TBCA: variants seen among roughly 807,000 people sequenced by gnomAD.
TBCA encodes tubulin folding cofactor A.
In TBCA, 6 loss-of-function variants were observed where a neutral mutation model predicts 15.8. The ratio of observed to expected loss-of-function variants is 0.38; its 90% CI spans 0.21 to 0.75. The LOEUF is 0.75. Among genes scored for constraint, TBCA ranks in the 30% least tolerant of loss-of-function variants. The pLI is 0.46. For missense variants in TBCA, 90 were observed against 131.2 expected (o/e 0.69, Z 1.53); for synonymous variants, 32 against 42.3 (o/e 0.76, Z 0.94).
At chr5:77,717,222 T>C (rs2662381) in intron 1 of TBCA, among the ~76,000 whole-genome samples, 1 of 152,004 alleles carries the variant, frequency 6.6e-6, no homozygotes, top group Non-Finnish European at 1.5e-5. Context: ...AATATCCTTA[T>C]AGTTAAGCCA....
intron 1 of TBCA, among the ~76,000 whole-genome samples, chr5:77,751,256 G>A (rs757780747): frequency 1.4e-5 from 2 of 146,958 alleles, no homozygotes; most frequent in Non-Finnish European, 3.0e-5. Context: ...CCGCCTCCCA[G>A]GTTCAAGTGA....
intron 3 of TBCA, chr5:77,692,140 A>G (rs1381285821): frequency 1.0e-6 from 1 of 984,296 alleles, no homozygotes; most frequent in Non-Finnish European, 1.2e-6. Flanking sequence ...TATTATCTAA[A>G]GTACACAGGA....
rs561462103 is a variant in TBCA, at chr5:77,767,265, T to C, written c.53+8940A>G. ...TGCCTACTTGCTCCAACATACTATA[T>C]AGACAAACAAACCGAGTTAGAATAC... On this transcript the variant is annotated intron_variant, in intron 1 of 3. Transcript: ENST00000380377. 1.2e-3 allele frequency among the ~76,000 whole-genome samples: 183 copies of C among 152,222 alleles called. 1 individual carries two copies. Among genetic ancestry groups the C allele is most frequent in the African/African-American group, 4.3e-3 (178 of 41,550 alleles).
At chr5:77,701,568 G>A (rs758032677) in intron 2 of TBCA, among the ~76,000 whole-genome samples, 2 of 151,076 alleles carry the variant, frequency 1.3e-5, no homozygotes, top group Admixed American at 6.6e-5. Flanking sequence ...AGGAAAAGAC[G>A]TCATTATATG....
chr5:77,772,830 C>A (rs961506339), intron 1 of TBCA, among the ~76,000 whole-genome samples: 1 of 152,140 alleles, frequency 6.6e-6, no homozygotes, highest in East Asian at 1.9e-4. Flanking sequence ...AAGCAGTTTA[C>A]ATAAGCATTG....
chr5:77,730,658 C>A (rs1234340750), intron 1 of TBCA, among the ~76,000 whole-genome samples: 1 of 151,582 alleles, frequency 6.6e-6, no homozygotes, highest in East Asian at 1.9e-4. Context: ...GAACATAAAT[C>A]TTCCAGTTTC....
intron 1 of TBCA, among the ~76,000 whole-genome samples, chr5:77,709,419 T>C (rs1392348319): frequency 6.6e-6 from 1 of 152,176 alleles, no homozygotes; most frequent in Admixed American, 6.5e-5. Flanking sequence ...AGTTGTAATA[T>C]AAAAGTATAG....
At chr5:77,730,539 A>ATTTGGTTATGG (rs1746743671) in intron 1 of TBCA, among the ~76,000 whole-genome samples, 8 of 74,618 alleles carry the variant, frequency 1.1e-4, no homozygotes, top group South Asian at 3.5e-4. Flanking sequence ...AGTAATTGAA[A>ATTTGGTTATGG]CAGATGCTAA....
At chr5:77,716,500 G>C (rs1746401726) in intron 1 of TBCA, among the ~76,000 whole-genome samples, 1 of 152,088 alleles carries the variant, frequency 6.6e-6, no homozygotes, top group South Asian at 2.1e-4. Flanking sequence ...ACAACAAACT[G>C]ACCACTTACT....
rs1169530788 is a variant in TBCA at position 77,691,360 on chromosome 5, T to C, written c.*58A>G. On this transcript the variant is annotated 3_prime_UTR_variant, in exon 4 of 4. Transcript: ENST00000380377. ...AACACATAGCAGTGGTCAAAAATAA[T>C]GGATTGTAAAATGGACCCCAGGATT... The C allele has an allele frequency of 7.0e-7, 1 of 1,419,612 alleles. No individual in the cohort carries two copies. The highest frequency in any genetic ancestry group is 2.0e-5 in the Admixed American group (1 of 50,600). 87.9% of individuals were successfully genotyped at this position (1,419,612 alleles called of 1,614,324 possible). A position where few individuals can be genotyped will look rare whatever the true frequency, so the allele number is the denominator to read the frequency against.
At chr5:77,728,985 G>A (rs536053697) in intron 1 of TBCA, among the ~76,000 whole-genome samples, 7 of 152,068 alleles carry the variant, frequency 4.6e-5, no homozygotes, top group South Asian at 2.1e-4. Context: ...TATTATAGTC[G>A]AATGCCAATT....
intron 2 of TBCA, chr5:77,693,582 T>A: frequency 5.9e-6 from 3 of 506,008 alleles, no homozygotes; most frequent in Non-Finnish European, 3.6e-6. Flanking sequence ...GCAGATCACC[T>A]GAGGTCAGGA....
intron 1 of TBCA, among the ~76,000 whole-genome samples, chr5:77,729,095 C>T (rs1049854864): frequency 1.3e-5 from 2 of 152,034 alleles, no homozygotes; most frequent in African/African-American, 4.8e-5. Flanking sequence ...GAGTGGATCA[C>T]CTGAGGTCCG....
At chr5:77,708,183 C>T in intron 2 of TBCA, 59 bp downstream of exon 2, 1 of 1,186,584 alleles carries the variant, frequency 8.4e-7, no homozygotes, top group East Asian at 2.4e-5. Context: ...GTAAAAACTA[C>T]ATTAGTTAAT....
intron 2 of TBCA, among the ~76,000 whole-genome samples, chr5:77,698,738 G>C (rs1745931879): frequency 6.6e-6 from 1 of 152,044 alleles, no homozygotes; most frequent in Non-Finnish European, 1.5e-5. Context: ...AACGAAAACT[G>C]CTTCAACAAA....
chr5:77,748,321 A>C (rs115690268), intron 1 of TBCA, among the ~76,000 whole-genome samples: 1,763 of 152,110 alleles, frequency 0.012, 37 homozygotes, highest in African/African-American at 0.038. Context: ...AATCCTGAGC[A>C]AACTAATTAC....
At chr5:77,713,956 T>C (rs1257624827) in intron 1 of TBCA, among the ~76,000 whole-genome samples, 2 of 148,254 alleles carry the variant, frequency 1.3e-5, no homozygotes, top group African/African-American at 2.5e-5. Flanking sequence ...AAAGCAATCT[T>C]AACTGAAAGG....
intron 1 of TBCA, 106 bp downstream of exon 1, chr5:77,776,099 G>T: frequency 7.0e-7 from 1 of 1,425,164 alleles, no homozygotes; most frequent in Non-Finnish European, 9.6e-7. Flanking sequence ...GCGGCCTGGA[G>T]TTCGGAGCCC....
chr5:77,754,352 G>C lies in TBCA; in HGVS notation c.53+21853C>G, dbSNP rs1747425587. ...TAACCTTTAAATAAGCTTTGAATTA[G>C]ACAAATTATTTACCTTTTAATAAGA... is the stretch of plus-strand genomic sequence containing the variant. On this transcript the variant is annotated intron_variant, in intron 1 of 3. Transcript: ENST00000380377. Among the ~76,000 whole-genome samples, 3 of 151,958 alleles carry C rather than the reference G, an allele frequency of 2.0e-5. 1 individual carries two copies. The highest frequency in any genetic ancestry group is 7.3e-5 in the African/African-American group (3 of 41,354).
Sources: allele counts gnomAD v4.1 joint callset (sites outside exome capture counted in the v4.1 genomes callset), GRCh38; gene constraint gnomAD v4.1.1; transcripts MANE v1.5; gene names NCBI Gene and HGNC (gene_info 2026-07-23, HGNC 2026-07-21).